ZNF532: variants seen among roughly 807,000 people sequenced by gnomAD.
ZNF532 encodes zinc finger protein 532.
A neutral mutation model predicts 89.3 loss-of-function variants in ZNF532; 22 were observed. That is an observed-to-expected ratio of 0.25 (90% CI 0.18 to 0.35). ZNF532 has a LOEUF of 0.35. ZNF532 is among the 10% of genes least tolerant of loss of function. The pLI, the probability that ZNF532 is intolerant of heterozygous loss-of-function variation, is 1.00. For missense variants in ZNF532, 1,132 were observed against 1,643.4 expected (o/e 0.69, Z 5.38); for synonymous variants, 606 against 649.6 (o/e 0.93, Z 1.02).
intron 2 of ZNF532, among the ~76,000 whole-genome samples, chr18:58,913,249 AGAAT>A (rs1252125236): frequency 6.6e-6 from 1 of 152,352 alleles, no homozygotes; most frequent in East Asian, 1.9e-4. Flanking sequence ...GGGAAGAGCA[AGAAT>A]TTGAATGTAG....
At chr18:58,961,812 C>G (rs189613822) in intron 7 of ZNF532, among the ~76,000 whole-genome samples, 2 of 152,148 alleles carry the variant, frequency 1.3e-5, no homozygotes, top group South Asian at 4.2e-4. Context: ...ATGTGAGGAC[C>G]AGCATGTGAT....
At chr18:58,881,613 C>T (rs1278151474) in intron 2 of ZNF532, among the ~76,000 whole-genome samples, 2 of 127,176 alleles carry the variant, frequency 1.6e-5, no homozygotes, top group African/African-American at 3.2e-5. Flanking sequence ...CAGAGCTCAC[C>T]TCAGTTTGTC....
chr18:58,907,990 T>C (rs2060040556), intron 2 of ZNF532, among the ~76,000 whole-genome samples: 1 of 152,182 alleles, frequency 6.6e-6, no homozygotes, highest in Non-Finnish European at 1.5e-5. Flanking sequence ...TCCTGCCTGG[T>C]TGTAGGTCTC....
intron 2 of ZNF532, among the ~76,000 whole-genome samples, chr18:58,868,613 A>G (rs1400600271): frequency 2.0e-5 from 3 of 152,148 alleles, no homozygotes; most frequent in African/African-American, 7.2e-5. Flanking sequence ...GTGTTTCGAT[A>G]CTTGGTTCTT....
intron 2 of ZNF532, among the ~76,000 whole-genome samples, chr18:58,891,566 GA>G (rs2058907050): frequency 6.6e-6 from 1 of 151,432 alleles, no homozygotes; most frequent in Non-Finnish European, 1.5e-5. Flanking sequence ...TTGTACTTAC[GA>G]ACATTTAAAA....
At chr18:58,884,649 G>A (rs2058160630) in intron 2 of ZNF532, among the ~76,000 whole-genome samples, 1 of 152,160 alleles carries the variant, frequency 6.6e-6, no homozygotes, top group African/African-American at 2.4e-5. Context: ...AAATGCCAAA[G>A]GAATGCTTCT....
At chr18:58,880,048 A>T (rs34616246) in intron 2 of ZNF532, among the ~76,000 whole-genome samples, 28,040 of 152,102 alleles carry the variant, frequency 0.18, 2,921 homozygotes, top group Middle Eastern at 0.29. Flanking sequence ...GTTCTGAAAA[A>T]GATGTTTTGG....
intron 3 of ZNF532, among the ~76,000 whole-genome samples, chr18:58,923,048 C>T (rs1231223080): frequency 6.6e-6 from 1 of 152,228 alleles, no homozygotes; most frequent in East Asian, 1.9e-4. Context: ...GACGAGTACG[C>T]AGGTCACCCG....
chr18:58,978,814 A>G (rs1330469916), intron 7 of ZNF532, among the ~76,000 whole-genome samples: 1 of 152,152 alleles, frequency 6.6e-6, no homozygotes, highest in African/African-American at 2.4e-5. Context: ...CATACCTTAT[A>G]TGGATAGCTT....
rs774011067 is a variant in ZNF532 at position 58,919,572 on chromosome 18, G to A, written c.1285G>A (p.Val429Met). ...CAGGGCGCCTCTCCAGTCTGCGGTC[G>A]TGACCAATGCAGTTTCCCCTGCAGA... ...PPRAPLQSAV[V>M]TNAVSPAELT... Residue 429 changes from valine to methionine, a missense_variant, in exon 3 of 10, where the codon GTG (valine) becomes ATG (methionine). Coordinates refer to ENST00000591808, the MANE Select transcript of ZNF532 (RefSeq NM_001375912.1). This position sits in a 1 kb window ranked among gnomAD's most constrained non-coding sequence, Gnocchi z 6.1. 2.1e-5 allele frequency: 34 copies of A among 1,613,994 alleles called. No homozygotes were observed. The highest frequency in any genetic ancestry group is 3.3e-5 in the Admixed American group (2 of 59,996).
intron 7 of ZNF532, among the ~76,000 whole-genome samples, chr18:58,958,360 T>G (rs75285445): frequency 2.0e-5 from 3 of 152,250 alleles, no homozygotes; most frequent in Admixed American, 6.5e-5. Flanking sequence ...AGCAGCATTT[T>G]AAGAAGTTCT....
intron 2 of ZNF532, among the ~76,000 whole-genome samples, chr18:58,866,217 G>C (rs1292924323): frequency 1.3e-5 from 2 of 152,184 alleles, no homozygotes; most frequent in Non-Finnish European, 2.9e-5. Context: ...GTGAAAAGAT[G>C]CCTGTTAACT....
At chr18:58,981,064 A>G (rs1345268811) in intron 8 of ZNF532, 1 of 192,070 alleles carries the variant, frequency 5.2e-6, no homozygotes, top group Non-Finnish European at 1.1e-5. Context: ...GACTGCCATG[A>G]GTATAAACAT....
At chr18:58,871,041 G>A (rs1018496961) in intron 2 of ZNF532, among the ~76,000 whole-genome samples, 1 of 152,034 alleles carries the variant, frequency 6.6e-6, no homozygotes, top group Non-Finnish European at 1.5e-5. Flanking sequence ...AAAGGGGTTG[G>A]GTTTGGGTCC....
chr18:58,938,882 A>C (rs151255355), intron 4 of ZNF532, among the ~76,000 whole-genome samples: 221 of 152,316 alleles, frequency 1.5e-3, no homozygotes, highest in Non-Finnish European at 2.6e-3. Flanking sequence ...CCATTCTTAA[A>C]AATGTTAAAG....
chr18:58,910,248 G>A (rs575686094), intron 2 of ZNF532, among the ~76,000 whole-genome samples: 4 of 152,222 alleles, frequency 2.6e-5, no homozygotes, highest in African/African-American at 9.6e-5. Context: ...CTAGAGGATG[G>A]TGTTTGTGCA....
intron 7 of ZNF532, among the ~76,000 whole-genome samples, chr18:58,972,746 G>A (rs1009765060): frequency 1.3e-5 from 2 of 152,040 alleles, no homozygotes; most frequent in Non-Finnish European, 2.9e-5. Context: ...TTTCTTATCC[G>A]TATTTAAACA....
rs550960904 is a variant in ZNF532, at chr18:58,978,632, T to A, written c.3151-423T>A. On this transcript the variant is annotated intron_variant, in intron 7 of 9. Transcript: ENST00000591808. Reference sequence around the variant, plus strand: ...TGTCCTCATTTTTATTATATATTTTTAAAAAGTTTTTTGGTTTTGTTACTG... The same window carrying A: ...TGTCCTCATTTTTATTATATATTTTAAAAAAGTTTTTTGGTTTTGTTACTG... Among the ~76,000 whole-genome samples the A allele has an allele frequency of 2.2e-3, 328 of 152,304 alleles. 13 individuals are homozygous for A. In the South Asian group the frequency reaches 0.062, roughly 29 times the overall value.
intron 2 of ZNF532, among the ~76,000 whole-genome samples, chr18:58,915,793 G>T (rs2060560978): frequency 6.6e-6 from 1 of 152,192 alleles, no homozygotes; most frequent in African/African-American, 2.4e-5. Flanking sequence ...TCATGTGGTT[G>T]TATGTTCTGG....
Sources: gnomAD v4.1 joint callset for allele counts (sites outside exome capture counted in the v4.1 genomes callset) on GRCh38, gnomAD v4.1.1 for gene constraint, Gnocchi (gnomAD v3.1) non-coding constraint, MANE v1.5 for transcripts, NCBI Gene and HGNC (gene_info 2026-07-23, HGNC 2026-07-21) for gene names.